Variants in RBBP6 observed in about 807,000 individuals in gnomAD.
The protein encoded by RBBP6 is E3 ubiquitin-protein ligase RBBP6.
Under a neutral mutation model 167.7 loss-of-function variants are expected in RBBP6, and 25 were observed. That is an observed-to-expected ratio of 0.15 (90% CI 0.11 to 0.21). The LOEUF (loss-of-function observed/expected upper bound fraction) is 0.21. Among genes scored for constraint, RBBP6 ranks in the 10% least tolerant of loss-of-function variants. The pLI is 1.00. For missense variants in RBBP6, 1,868 were observed against 2,134.2 expected (o/e 0.88, Z 2.46); for synonymous variants, 789 against 735.8 (o/e 1.07, Z -1.17).
In RBBP6 at chr16:24,569,228, T is replaced by C. The variant is rs1899266011; in HGVS notation, c.2538T>C (p.Ala846=). 6.2e-7 allele frequency: 1 copy of C among 1,613,838 alleles called. No individual in the cohort carries two copies. Residue 846 remains alanine (A), a synonymous_variant, in exon 17 of 18, where the codon GCT becomes GCC. Transcript: ENST00000319715. ...ATGAAAAATATTATAAAGGTTATGCTGCTGGAGCACAGCCTAGACCCTCAG... is the reference window on the plus strand; with the variant it reads ...ATGAAAAATATTATAAAGGTTATGCCGCTGGAGCACAGCCTAGACCCTCAG... ...EWYEKYYKGY[A]AGAQPRPSAN... is the part of the protein sequence containing the mutation.
chr16:24,572,154 C>G lies in RBBP6; in HGVS notation c.5088C>G (p.Pro1696=). The G allele has an allele frequency of 6.2e-7, 1 of 1,613,678 alleles. No individual in the cohort carries two copies. The stretch of plus-strand genomic sequence containing the variant: ...GCAGGAATCAGAGCCACAGCAGCCC[C>G]AGCGTCAGCCCCAGCAGAAGCCACA... The part of the protein sequence containing the change: ...GISRNQSHSS[P]SVSPSRSHSP... Residue 1696 remains proline, a synonymous_variant, in exon 18 of 18, where the codon CCC becomes CCG. Coordinates refer to ENST00000319715, the MANE Select transcript of RBBP6 (RefSeq NM_006910.5).
Position 24,556,330 on chromosome 16 carries a change from C to T in RBBP6, c.557C>T (p.Pro186Leu). 6.3e-7 allele frequency: 1 copy of T among 1,599,940 alleles called. No individual in the cohort carries two copies. Among genetic ancestry groups the T allele is most frequent in the Non-Finnish European group, 8.6e-7 (1 of 1,167,644 alleles). Residue 186 changes from proline to leucine, a missense_variant, in exon 7 of 18, where the codon CCT becomes CTT. Around this residue, in one of 7 missense-constraint regions of RBBP6, gnomAD observed 184 missense variants for 327.7 expected, o/e 0.56. Coordinates refer to ENST00000319715, the MANE Select transcript of RBBP6 (RefSeq NM_006910.5). ...TAGGATAAAAACTTTGAATCTGGTC[C>T]TAGGATTAAAAAGAGCACTGGAATT... Reference protein sequence around the residue: ...TNGDKNFESGPRIKKSTGIPR... With the variant: ...TNGDKNFESGLRIKKSTGIPR...
intron 10 of RBBP6, among the ~76,000 whole-genome samples, chr16:24,562,820 G>A (rs1596509649): frequency 6.6e-6 from 1 of 152,108 alleles, no homozygotes; most frequent in South Asian, 2.1e-4. Flanking sequence ...GTGGAAATAG[G>A]CCCAGAGAGT....
rs532602670 is a variant in RBBP6, at chr16:24,566,871, T to C, written c.1590-272T>C. Among the ~76,000 whole-genome samples the C allele has an allele frequency of 4.6e-5, 7 of 152,366 alleles. No homozygotes were observed. The South Asian group carries it at 1.4e-3, about 32-fold the overall frequency. ...GTAATTAGTGGAGTGATAATCAGTC[T>C]GAACTTCATAAAAGAGAACTTTTAA... On this transcript the variant is annotated intron_variant, in intron 14 of 17. Coordinates refer to ENST00000319715, the MANE Select transcript of RBBP6 (RefSeq NM_006910.5).
intron 11 of RBBP6, 25 bp downstream of exon 11, chr16:24,563,320 T>A (rs1899111942): frequency 6.3e-7 from 1 of 1,582,986 alleles, no homozygotes; most frequent in Non-Finnish European, 8.6e-7. Flanking sequence ...TGCTTTAATT[T>A]GGGATTTTTT....
chr16:24,544,710 A>G (rs1286865910), intron 1 of RBBP6, among the ~76,000 whole-genome samples: 1 of 152,146 alleles, frequency 6.6e-6, no homozygotes, highest in Non-Finnish European at 1.5e-5. Context: ...TCTTTTTACC[A>G]TAGTTAAGGT....
chr16:24,571,545 A>G lies in RBBP6; in HGVS notation c.4479A>G (p.Glu1493=). 1 of 1,613,608 alleles carries G rather than the reference A, an allele frequency of 6.2e-7. No individual in the cohort carries two copies. The highest frequency in any genetic ancestry group is 1.6e-4 in the Middle Eastern group (1 of 6,062). The change falls in exon 18 of 18, where the codon GAA becomes GAG. Residue 1493 remains glutamate, a synonymous_variant. Transcript: ENST00000319715. ...CCAAACGTAGAGATGAAAAGAATGAATTAACAAGACGAAAAGACTCTCCTT... is the reference window on the plus strand; with the variant it reads ...CCAAACGTAGAGATGAAAAGAATGAGTTAACAAGACGAAAAGACTCTCCTT... ...SSSKRRDEKN[E]LTRRKDSPSR...
chr16:24,562,264 G>C (rs372147615), intron 10 of RBBP6, 103 bp downstream of exon 10: 1 of 1,052,030 alleles, frequency 9.5e-7, no homozygotes. Flanking sequence ...GGACCACTGT[G>C]CTCAGTAATG....
At chr16:24,568,006 G>A in intron 16 of RBBP6, 113 bp downstream of exon 16, 2 of 837,620 alleles carry the variant, frequency 2.4e-6, no homozygotes, top group South Asian at 1.6e-5. Flanking sequence ...ATTCGGTCTA[G>A]GTGTATAGAA....
chr16:24,554,460 T>G (rs1187659013), intron 4 of RBBP6: 2 of 152,074 alleles, frequency 1.3e-5, no homozygotes, highest in Non-Finnish European at 2.9e-5. Context: ...TATCTTGTTC[T>G]TGGCTTTGTT....
At chr16:24,551,319 A>T (rs1341045255) in intron 3 of RBBP6, among the ~76,000 whole-genome samples, 1 of 151,826 alleles carries the variant, frequency 6.6e-6, no homozygotes, top group African/African-American at 2.4e-5. Context: ...TACCATTAGT[A>T]TCTTACCAAG....
In RBBP6 at chr16:24,540,412, T is replaced by TCCC. The variant is rs1898455503; in HGVS notation, c.-212_-210dup. On this transcript the variant is annotated 5_prime_UTR_variant, in exon 1 of 18. Coordinates refer to ENST00000319715, the MANE Select transcript of RBBP6 (RefSeq NM_006910.5). ...CTCTTCCCCGTCCTCGTCCTCCTCC[T>TCCC]CCCCCATGAAGTGATTCTGAGTATC... 3 of 436,280 alleles carry TCCC rather than the reference T, an allele frequency of 6.9e-6. No individual in the cohort carries two copies. The highest frequency in any genetic ancestry group is 1.2e-5 in the Non-Finnish European group (3 of 245,216). 27.0% of individuals were successfully genotyped at this position (436,280 alleles called of 1,614,324 possible).
chr16:24,567,087 C>G, intron 14 of RBBP6, 56 bp from the exon 15 acceptor site: 1 of 1,524,262 alleles, frequency 6.6e-7, no homozygotes, highest in Non-Finnish European at 8.9e-7. Flanking sequence ...GATAAGCTTA[C>G]TTGTCTCAGA....
rs1440903665 is a variant in RBBP6 at position 24,572,395 on chromosome 16, GAGA to G, written c.5332_5334del (p.Lys1778del). 13 of 1,322,970 alleles carry G rather than the reference GAGA, an allele frequency of 9.8e-6. No homozygotes were observed. Among genetic ancestry groups the G allele is most frequent in the Non-Finnish European group, 1.4e-5 (13 of 956,970 alleles). The allele number at this position is 1,322,970 out of a possible 1,614,324, so 82.0% of individuals were successfully genotyped here. On this transcript the variant is annotated inframe_deletion, in exon 18 of 18. Coordinates refer to ENST00000319715, the MANE Select transcript of RBBP6 (RefSeq NM_006910.5). ...GAAGTCAAAGAAGAACAAAGATAAA[GAGA>G]AGGAGAAGGAGAAAGATGACCAAAA...
intron 13 of RBBP6, among the ~76,000 whole-genome samples, chr16:24,564,383 C>A (rs950859641): frequency 6.6e-6 from 1 of 152,052 alleles, no homozygotes; most frequent in Non-Finnish European, 1.5e-5. Flanking sequence ...TGACAGTGGT[C>A]TTGTGGTTTT....
Position 24,571,737 on chromosome 16 carries a change from G to C in RBBP6, c.4671G>C (p.Glu1557Asp), listed in dbSNP as rs73560586. 1.2e-6 allele frequency: 2 copies of C among 1,613,846 alleles called. No homozygotes were observed. Among genetic ancestry groups the C allele is most frequent in the South Asian group, 1.1e-5 (1 of 91,070 alleles). Residue 1557 changes from glutamate to aspartate, a missense_variant, in exon 18 of 18, where the codon GAG becomes GAC. By Grantham distance (45) the Glu-to-Asp change is conservative (BLOSUM62 2). Transcript: ENST00000319715. ...ATGATACTAAACGGCCAAATGAAGA[G>C]ACAAAATCTGTAGATAAAAATCCTT... is the stretch of plus-strand genomic sequence containing the variant. The part of the protein sequence containing the change: ...ATYDTKRPNE[E>D]TKSVDKNPCK...
chr16:24,550,015 A>G (rs943943023), intron 3 of RBBP6, among the ~76,000 whole-genome samples: 1 of 152,000 alleles, frequency 6.6e-6, no homozygotes, highest in African/African-American at 2.4e-5. Context: ...CAGGTCTATC[A>G]TAATTGGGTT....
chr16:24,549,658 G>A (rs1356601708), intron 3 of RBBP6, among the ~76,000 whole-genome samples: 1 of 151,804 alleles, frequency 6.6e-6, no homozygotes, highest in Non-Finnish European at 1.5e-5. Context: ...ACCTGAACCT[G>A]GGGCCCCCTA....
Position 24,564,680 on chromosome 16 carries a change from G to A in RBBP6, c.1521-117G>A, listed in dbSNP as rs190212924. 4.6e-6 allele frequency: 6 copies of A among 1,298,608 alleles called. No homozygotes were observed. In the East Asian group the frequency reaches 1.1e-4, roughly 24 times the overall value. 80.4% of individuals were successfully genotyped at this position (1,298,608 alleles called of 1,614,324 possible). ...ATCCGAAACAAATTTAAGAACTGGGGAGTAGGAAAAAGTTTTCAGAGTAGT... is the reference window on the plus strand; with the variant it reads ...ATCCGAAACAAATTTAAGAACTGGGAAGTAGGAAAAAGTTTTCAGAGTAGT... On this transcript the variant is annotated intron_variant, in intron 13 of 17. Coordinates refer to ENST00000319715, the MANE Select transcript of RBBP6 (RefSeq NM_006910.5).
Sources: gnomAD v4.1 joint callset for allele counts (sites outside exome capture counted in the v4.1 genomes callset) on GRCh38, gnomAD v4.1.1 for gene constraint, gnomAD v4.1.1 regional missense constraint, MANE v1.5 for transcripts, NCBI Gene and HGNC (gene_info 2026-07-23, HGNC 2026-07-21) for gene names.